TENM2: variants seen among roughly 807,000 people sequenced by gnomAD.
The protein encoded by TENM2 is teneurin-2.
In TENM2, 52 loss-of-function variants were observed where a neutral mutation model predicts 245.2. The ratio of observed to expected loss-of-function variants is 0.21; its 90% CI spans 0.17 to 0.27. The LOEUF (loss-of-function observed/expected upper bound fraction) is 0.27. TENM2 is among the 10% of genes least tolerant of loss of function. The pLI is 1.00. For missense variants in TENM2, 3,046 were observed against 3,666.8 expected, an observed-to-expected ratio of 0.83 and a Z score of 4.37; for synonymous variants, 1,363 against 1,438.9, an observed-to-expected ratio of 0.95 and a Z score of 1.19.
At chr5:167,248,316 C>T in the TENM2 span, among the ~76,000 whole-genome samples, 3 of 152,060 alleles carry the variant, frequency 2.0e-5, no homozygotes, top group African/African-American at 4.8e-5. Context: ...ACGTGTTGAG[C>T]GTCCAAAATG....
intron 6 of TENM2, among the ~76,000 whole-genome samples, chr5:168,058,019 A>G (rs1041816046): frequency 1.3e-5 from 2 of 152,198 alleles, no homozygotes; most frequent in African/African-American, 2.4e-5. Context: ...TTTACAGACA[A>G]TAGTGGCTCC....
intron 3 of TENM2, among the ~76,000 whole-genome samples, chr5:167,886,220 A>G (rs1774276286): frequency 6.6e-6 from 1 of 152,246 alleles, no homozygotes; most frequent in African/African-American, 2.4e-5. Flanking sequence ...ATACATAGTT[A>G]TTAAGCAGTA....
At chr5:167,375,025 C>T (rs943901801) in intron 1 of TENM2, among the ~76,000 whole-genome samples, 173 bp from the exon 4 acceptor site, 1 of 152,054 alleles carries the variant, frequency 6.6e-6, no homozygotes, top group Non-Finnish European at 1.5e-5. Context: ...GTTTGTTTTT[C>T]AAAGGTATCC....
At chr5:168,044,570 T>C (rs1402333845) in intron 5 of TENM2, among the ~76,000 whole-genome samples, 1 of 150,774 alleles carries the variant, frequency 6.6e-6, no homozygotes, top group East Asian at 2.0e-4. Flanking sequence ...CTGCCCCCCG[T>C]GTATCATTAT....
At chr5:167,851,092 G>A (rs191754136) in intron 2 of TENM2, among the ~76,000 whole-genome samples, 43 of 152,214 alleles carry the variant, frequency 2.8e-4, no homozygotes, top group Admixed American at 1.7e-3. Flanking sequence ...GAAGAAATGT[G>A]TCAGCCGTCT....
At chr5:167,045,788 A>C in the TENM2 span, among the ~76,000 whole-genome samples, 1 of 152,322 alleles carries the variant, frequency 6.6e-6, no homozygotes, top group South Asian at 2.1e-4. Context: ...AGCATAGAGA[A>C]TGCTGCATTT....
At chr5:168,106,140 C>T (rs1371471932) in intron 9 of TENM2, among the ~76,000 whole-genome samples, 2 of 152,172 alleles carry the variant, frequency 1.3e-5, no homozygotes, top group Admixed American at 1.3e-4. Flanking sequence ...ACTCCTGCTG[C>T]TGAACAGCTG....
At chr5:167,748,040 C>A (rs1169990434) in intron 2 of TENM2, among the ~76,000 whole-genome samples, 1 of 152,152 alleles carries the variant, frequency 6.6e-6, no homozygotes, top group Non-Finnish European at 1.5e-5. Context: ...CTTTCATAAT[C>A]CCCACATCCT....
intron 2 of TENM2, among the ~76,000 whole-genome samples, chr5:167,466,135 G>C (rs1766636838): frequency 6.6e-6 from 1 of 152,274 alleles, no homozygotes; most frequent in Non-Finnish European, 1.5e-5. Context: ...AGGAGATAAA[G>C]CTCGTTCCTA....
the TENM2 span, among the ~76,000 whole-genome samples, chr5:167,135,732 G>A: frequency 6.6e-6 from 1 of 152,082 alleles, no homozygotes; most frequent in Non-Finnish European, 1.5e-5. Context: ...CAAGGCCGAG[G>A]TTGCAGTGAG....
the TENM2 span, among the ~76,000 whole-genome samples, chr5:167,226,657 G>T: frequency 9.2e-5 from 14 of 152,134 alleles, no homozygotes; most frequent in East Asian, 2.7e-3. Flanking sequence ...ATATTTTGCA[G>T]TTGCTGAATA....
intron 1 of TENM2, among the ~76,000 whole-genome samples, chr5:167,364,728 T>A (rs559446205): frequency 9.9e-5 from 15 of 152,138 alleles, no homozygotes; most frequent in Non-Finnish European, 8.8e-5. Context: ...GATGAGCATT[T>A]CAAATTGATA....
intron 1 of TENM2, among the ~76,000 whole-genome samples, chr5:167,305,675 A>G (rs1298129626): frequency 6.6e-6 from 1 of 152,226 alleles, no homozygotes; most frequent in Non-Finnish European, 1.5e-5. Flanking sequence ...AATTGAAAGC[A>G]TTCAGCATTC....
At chr5:167,579,523 G>C (rs1466113165) in intron 2 of TENM2, among the ~76,000 whole-genome samples, 1 of 152,112 alleles carries the variant, frequency 6.6e-6, no homozygotes, top group Non-Finnish European at 1.5e-5. Context: ...TCTCATCATT[G>C]ACTTCAGTTC....
Position 167,772,414 on chromosome 5 carries a change from T to A in TENM2, c.503-103572T>A, listed in dbSNP as rs1473654904. Among the ~76,000 whole-genome samples, 4 of 152,266 alleles carry A rather than the reference T, an allele frequency of 2.6e-5. No homozygotes were observed. In the East Asian group the frequency reaches 7.7e-4, roughly 29 times the overall value. On this transcript the variant is annotated intron_variant, in intron 2 of 28. Coordinates refer to ENST00000518659, the Ensembl canonical transcript of TENM2. ...TGACCAATGTATCACTGTCAGGACA[T>A]CACACTTATGGCTTGATTAGCTTTT...
chr5:167,366,799 G>A (rs1037357932), intron 1 of TENM2, among the ~76,000 whole-genome samples: 2 of 152,082 alleles, frequency 1.3e-5, no homozygotes, highest in Non-Finnish European at 2.9e-5. Context: ...TTTCTCTGAT[G>A]AAAAAAATTG....
Position 168,250,971 on chromosome 5 carries a change from C to A in TENM2, c.7432+2600C>A, listed in dbSNP as rs1371907217. Among the ~76,000 whole-genome samples the A allele has an allele frequency of 2.0e-5, 3 of 152,262 alleles. No individual in the cohort carries two copies. The South Asian group carries it at 6.2e-4, about 32-fold the overall frequency. On this transcript the variant is annotated intron_variant, in intron 27 of 28. Transcript: ENST00000518659. ...TCTCCTTTATGGAGGGGATCACGGA[C>A]GGCCTTTCTGAGCAGGTAGTGTTGA...
At chr5:167,761,581 G>A (rs1370161047) in intron 2 of TENM2, among the ~76,000 whole-genome samples, 1 of 152,098 alleles carries the variant, frequency 6.6e-6, no homozygotes, top group African/African-American at 2.4e-5. Flanking sequence ...GGGAAGTTTT[G>A]CTTTCTAACT....
intron 12 of TENM2, among the ~76,000 whole-genome samples, chr5:168,154,566 TG>T (rs1372512835): frequency 1.3e-5 from 2 of 152,222 alleles, no homozygotes; most frequent in African/African-American, 4.8e-5. Context: ...TTGTTTTTAC[TG>T]TTTTTACAAG....
Sources: gnomAD v4.1 joint callset for allele counts (sites outside exome capture counted in the v4.1 genomes callset) on GRCh38, gnomAD v4.1.1 for gene constraint, MANE v1.5 for transcripts, NCBI Gene and HGNC (gene_info 2026-07-23, HGNC 2026-07-21) for gene names.